PALM2AKAP2: variants seen among roughly 807,000 people sequenced by gnomAD.
PALM2AKAP2 encodes the protein PALM2 and AKAP2 fusion, also known as PALM2-AKAP2 fusion protein.
Under a neutral mutation model 71.5 loss-of-function variants are expected in PALM2AKAP2, and 37 were observed. That is an observed-to-expected ratio of 0.52 (90% CI 0.40 to 0.68). The LOEUF (loss-of-function observed/expected upper bound fraction) is 0.68, where lower values mean the gene tolerates loss of function less well. Among genes scored for constraint, PALM2AKAP2 ranks in the 30% least tolerant of loss-of-function variants. The probability of loss-of-function intolerance (pLI) is 0.00; values close to 1 mark genes in which losing one functional copy is unlikely to be tolerated. For missense variants in PALM2AKAP2, 1,224 were observed against 1,191.8 expected (o/e 1.03, Z -0.40); for synonymous variants, 468 against 478.8 (o/e 0.98, Z 0.29).
At chr9:110,006,700 A>G (rs919194535) in intron 6 of PALM2AKAP2, among the ~76,000 whole-genome samples, 5 of 152,060 alleles carry the variant, frequency 3.3e-5, no homozygotes, top group Admixed American at 2.0e-4. Context: ...TGAGAACGAG[A>G]GAGAAAAAAA....
intron 1 of PALM2AKAP2, among the ~76,000 whole-genome samples, chr9:110,088,703 G>GTTTTTTTTTTTTTT (rs71373964): frequency 1.3e-5 from 1 of 75,574 alleles, no homozygotes; most frequent in African/African-American, 4.0e-5. Context: ...GCATTTACGT[G>GTTTTTTTTTTTTTT]TTTTTTTTTT....
Position 110,063,363 on chromosome 9 carries a change from G to A in PALM2AKAP2, c.156+14508G>A, listed in dbSNP as rs540669677. Reference sequence around the variant, plus strand: ...GAGGAGAGGTTCTGTTCTAGGTCTTGGCTTGTAGATGGGTGTCTTCTCCCA... The same window carrying A: ...GAGGAGAGGTTCTGTTCTAGGTCTTAGCTTGTAGATGGGTGTCTTCTCCCA... On this transcript the variant is annotated intron_variant, in intron 1 of 3. Coordinates refer to ENST00000374525, the Ensembl canonical transcript of PALM2AKAP2. Among the ~76,000 whole-genome samples, 22 of 152,152 alleles carry A rather than the reference G, an allele frequency of 1.4e-4. No homozygotes were observed. The South Asian group carries it at 4.6e-3, about 32-fold the overall frequency.
At chr9:109,826,064 G>C (rs1475013575) in intron 1 of PALM2AKAP2, among the ~76,000 whole-genome samples, 3 of 152,164 alleles carry the variant, frequency 2.0e-5, no homozygotes, top group African/African-American at 7.2e-5. Flanking sequence ...GTCCTTTGTA[G>C]GGACATGGAT....
chr9:110,164,290 A>G (rs1323881273), intron 3 of PALM2AKAP2, among the ~76,000 whole-genome samples: 1 of 152,210 alleles, frequency 6.6e-6, no homozygotes, highest in East Asian at 1.9e-4. Context: ...GATGAAATAT[A>G]AATATTAATA....
At chr9:110,017,035 G>A (rs546285939) in intron 7 of PALM2AKAP2, among the ~76,000 whole-genome samples, 65 of 152,010 alleles carry the variant, frequency 4.3e-4, no homozygotes, top group East Asian at 1.9e-3. Flanking sequence ...GCCAGCCACC[G>A]TGCCTGGCTA....
chr9:110,148,494 G>A (rs1256880973), intron 2 of PALM2AKAP2: 1 of 152,236 alleles, frequency 6.6e-6, no homozygotes, highest in African/African-American at 2.4e-5. Context: ...TGGTGTGCGG[G>A]TCACAGCTGG....
Position 109,999,622 on chromosome 9 carries a change from T to C in PALM2AKAP2, c.497-16332T>C, listed in dbSNP as rs571908988. Among the ~76,000 whole-genome samples, 7 of 152,302 alleles carry C rather than the reference T, an allele frequency of 4.6e-5. No individual in the cohort carries two copies. In the South Asian group the frequency reaches 1.4e-3, roughly 32 times the overall value. ...CTAACACTTCTCATTTAACAAACAC[T>C]TGGATGAGACTAACTGTGTATAAGC... On this transcript the variant is annotated intron_variant, in intron 6 of 9. Coordinates refer to the PALM2AKAP2 transcript ENST00000302798.
At chr9:110,012,625 G>T (rs947788497) in intron 6 of PALM2AKAP2, among the ~76,000 whole-genome samples, 1 of 152,114 alleles carries the variant, frequency 6.6e-6, no homozygotes, top group Non-Finnish European at 1.5e-5. Context: ...AACTAAAATA[G>T]CATTTTTAAA....
chr9:109,911,420 A>C (rs1399702479), intron 3 of PALM2AKAP2, among the ~76,000 whole-genome samples: 1 of 152,194 alleles, frequency 6.6e-6, no homozygotes, highest in Non-Finnish European at 1.5e-5. Context: ...TACACATGAA[A>C]AGGAGAGAAA....
At chr9:109,659,405 C>A (rs992640334) in intron 1 of PALM2AKAP2, among the ~76,000 whole-genome samples, 5 of 151,830 alleles carry the variant, frequency 3.3e-5, no homozygotes, top group Non-Finnish European at 7.4e-5. Context: ...ACTCCCTTAC[C>A]CACCCCCTCC....
At chr9:109,932,499 A>G (rs371059632) in intron 6 of PALM2AKAP2, among the ~76,000 whole-genome samples, 4 of 152,210 alleles carry the variant, frequency 2.6e-5, no homozygotes, top group African/African-American at 7.2e-5. Flanking sequence ...AAGTCTTCCC[A>G]TTTCTGGAAT....
At chr9:109,684,340 C>T (rs967607414) in intron 1 of PALM2AKAP2, among the ~76,000 whole-genome samples, 1 of 152,114 alleles carries the variant, frequency 6.6e-6, no homozygotes, top group Admixed American at 6.6e-5. Context: ...GTTTCTAATG[C>T]GCTAATGCCC....
At chr9:109,676,633 T>C (rs1384774541) in intron 1 of PALM2AKAP2, among the ~76,000 whole-genome samples, 2 of 151,908 alleles carry the variant, frequency 1.3e-5, no homozygotes, top group Non-Finnish European at 1.5e-5. Flanking sequence ...TGGATATAGA[T>C]GAGAAAAGAG....
Position 109,954,908 on chromosome 9 carries a change from C to CGGAG in PALM2AKAP2, c.496+22880_496+22881insGGAG, listed in dbSNP as rs201058712. Among the ~76,000 whole-genome samples, 127 of 152,278 alleles carry CGGAG rather than the reference C, an allele frequency of 8.3e-4. 2 individuals are homozygous for CGGAG. In the East Asian group the frequency reaches 0.023, roughly 27 times the overall value. On this transcript the variant is annotated intron_variant, in intron 6 of 9. Coordinates refer to the PALM2AKAP2 transcript ENST00000302798. ...CAGTCTCTGGCAATAATAGCCTGTT[C>CGGAG]TCCCCACTGGCAATTGTCTGGAGCT...
At chr9:109,853,402 A>G (rs1242375784) in intron 1 of PALM2AKAP2, among the ~76,000 whole-genome samples, 1 of 152,222 alleles carries the variant, frequency 6.6e-6, no homozygotes, top group Non-Finnish European at 1.5e-5. Context: ...TTCTTATAAA[A>G]GTGAGATTAT....
rs1016160461 is a variant in PALM2AKAP2 at position 109,842,273 on chromosome 9, C to G, written c.46-25218C>G. Reference sequence around the variant, plus strand: ...CTTAGCATTTTTATTTTTTACTCAACAAGAAATTAGGCTTTACAAATATTT... The same window carrying G: ...CTTAGCATTTTTATTTTTTACTCAAGAAGAAATTAGGCTTTACAAATATTT... On this transcript the variant is annotated intron_variant, in intron 1 of 9. Coordinates refer to the PALM2AKAP2 transcript ENST00000302798. Among the ~76,000 whole-genome samples the G allele has an allele frequency of 6.4e-4, 97 of 152,228 alleles. 1 individual carries two copies. The highest frequency in any genetic ancestry group is 2.2e-3 in the African/African-American group (91 of 41,528).
At chr9:110,046,579 C>T (rs564306693), upstream of PALM2AKAP2, among the ~76,000 whole-genome samples, 12 of 151,636 alleles carry the variant, frequency 7.9e-5, no homozygotes, top group Admixed American at 4.6e-4. Context: ...AACAATTCTC[C>T]TGTCTCACCC....
intron 1 of PALM2AKAP2, among the ~76,000 whole-genome samples, chr9:110,092,499 G>A (rs10980188): frequency 0.2 from 30,716 of 152,034 alleles, 4,296 homozygotes; most frequent in African/African-American, 0.39. Flanking sequence ...AAATACTTTA[G>A]TTAGTAAAAA....
intron 7 of PALM2AKAP2, among the ~76,000 whole-genome samples, chr9:110,037,337 G>T (rs942929510): frequency 1.1e-4 from 16 of 152,146 alleles, no homozygotes; most frequent in African/African-American, 3.9e-4. Flanking sequence ...CTCCCGAGTA[G>T]CTGGGATTAC....
Sources: gnomAD v4.1 joint callset for allele counts (sites outside exome capture counted in the v4.1 genomes callset) on GRCh38, gnomAD v4.1.1 for gene constraint, MANE v1.5 for transcripts, NCBI Gene and HGNC (gene_info 2026-07-23, HGNC 2026-07-21) for gene names.